Variants in CAST observed in about 807,000 individuals in gnomAD.
CAST encodes calpastatin, also known as MIR583 host.
CAST carries 76 observed loss-of-function variants against 119.6 expected under a neutral mutation model. That is an observed-to-expected ratio of 0.64 (90% CI 0.53 to 0.77). CAST has a LOEUF of 0.77. Ranked by LOEUF, CAST falls within the 30% of genes least tolerant of loss-of-function variation. CAST has a pLI of 0.00. For missense variants in CAST, 953 were observed against 946.5 expected (o/e 1.01, Z -0.09); for synonymous variants, 319 against 331.6 (o/e 0.96, Z 0.41).
At chr5:96,411,657 A>G in the CAST span, among the ~76,000 whole-genome samples, 1 of 152,228 alleles carries the variant, frequency 6.6e-6, no homozygotes, top group East Asian at 1.9e-4. Flanking sequence ...GCTTGGAAGA[A>G]GACTGAGTAG....
intron 1 of CAST, among the ~76,000 whole-genome samples, chr5:96,669,139 C>T (rs930704315): frequency 2.6e-5 from 4 of 152,310 alleles, no homozygotes; most frequent in African/African-American, 9.6e-5. Context: ...AAGGAATCCA[C>T]CTGAAGGCAG....
intron 3 of CAST, chr5:96,702,726 T>G: frequency 1.0e-6 from 1 of 975,344 alleles, no homozygotes; most frequent in Non-Finnish European, 1.2e-6. Context: ...CATCCCGGGC[T>G]CCCGGGGCGG....
At chr5:96,123,427 G>C in the CAST span, among the ~76,000 whole-genome samples, 1 of 152,092 alleles carries the variant, frequency 6.6e-6, no homozygotes, top group African/African-American at 2.4e-5. Context: ...TCTTCCTGAA[G>C]GCTTGTTGAT....
chr5:96,116,404 A>G, the CAST span, among the ~76,000 whole-genome samples: 2 of 152,196 alleles, frequency 1.3e-5, no homozygotes, highest in Non-Finnish European at 2.9e-5. Flanking sequence ...TAATGCTGCT[A>G]TGAGTATTCA....
At chr5:96,505,833 A>G in the CAST span, among the ~76,000 whole-genome samples, 1 of 152,178 alleles carries the variant, frequency 6.6e-6, no homozygotes, top group Non-Finnish European at 1.5e-5. Flanking sequence ...AGGGCACCTT[A>G]TGGGTTTCCT....
the CAST span, among the ~76,000 whole-genome samples, chr5:96,159,522 A>G: frequency 6.6e-6 from 1 of 152,234 alleles, no homozygotes; most frequent in African/African-American, 2.4e-5. Context: ...TGAGGAAAGC[A>G]GTGTCCTCTT....
chr5:96,515,036 C>A, the CAST span, among the ~76,000 whole-genome samples: 1 of 152,122 alleles, frequency 6.6e-6, no homozygotes, highest in African/African-American at 2.4e-5. Context: ...TAGGTGTAAA[C>A]CACTGTGCAC....
At chr5:96,087,406 AT>A in the CAST span, among the ~76,000 whole-genome samples, 6 of 152,286 alleles carry the variant, frequency 3.9e-5, no homozygotes, top group East Asian at 1.2e-3. Context: ...TAAGATTCTA[AT>A]CTTTTTCAAC....
chr5:96,178,395 C>T, the CAST span, among the ~76,000 whole-genome samples: 1 of 152,126 alleles, frequency 6.6e-6, no homozygotes, highest in Non-Finnish European at 1.5e-5. Flanking sequence ...CTTAGGTCTA[C>T]ACATGTTTTC....
At chr5:96,151,754 T>A in the CAST span, among the ~76,000 whole-genome samples, 1 of 152,224 alleles carries the variant, frequency 6.6e-6, no homozygotes, top group African/African-American at 2.4e-5. Context: ...TCATTCTTTG[T>A]GCAGGGCACT....
At chr5:96,402,263 C>T in the CAST span, among the ~76,000 whole-genome samples, 1 of 152,208 alleles carries the variant, frequency 6.6e-6, no homozygotes, top group Non-Finnish European at 1.5e-5. Flanking sequence ...TCTTACCTGG[C>T]ACGACACACG....
At chr5:96,272,974 G>C in the CAST span, among the ~76,000 whole-genome samples, 1 of 152,152 alleles carries the variant, frequency 6.6e-6, no homozygotes, top group Non-Finnish European at 1.5e-5. Flanking sequence ...ATGTGAACAG[G>C]TTCAAGGAAA....
At chr5:96,629,486 T>C (rs534707842) in intron 1 of CAST, among the ~76,000 whole-genome samples, 1 of 152,362 alleles carries the variant, frequency 6.6e-6, no homozygotes, top group East Asian at 1.9e-4. Context: ...TGAGTCCTTC[T>C]TCCATTCGCA....
At chr5:96,757,398 T>C (rs199629117) in intron 22 of CAST, 46 bp from the exon 23 acceptor site, 22 of 1,550,362 alleles carry the variant, frequency 1.4e-5, no homozygotes, top group Non-Finnish European at 1.9e-5. Flanking sequence ...ATACTTTGGA[T>C]AAAATGTAAA....
chr5:96,364,911 A>G, the CAST span, among the ~76,000 whole-genome samples: 4 of 152,074 alleles, frequency 2.6e-5, no homozygotes, highest in East Asian at 1.9e-4. Context: ...TTTAATTGTG[A>G]TGTTAGGGTG....
chr5:96,741,652 A>G (rs1441280685), intron 15 of CAST, 72 bp downstream of exon 15: 2 of 962,028 alleles, frequency 2.1e-6, no homozygotes, highest in Non-Finnish European at 3.3e-6. Flanking sequence ...AACTGCCAGT[A>G]GCACATAACC....
the CAST span, chr5:95,961,940 G>T: frequency 2.6e-5 from 15 of 574,832 alleles, no homozygotes; most frequent in Non-Finnish European, 4.2e-5. Flanking sequence ...CATTGGTCTT[G>T]TTCCCTTCAG....
the CAST span, among the ~76,000 whole-genome samples, chr5:96,140,413 C>T: frequency 6.6e-6 from 1 of 152,226 alleles, no homozygotes; most frequent in Admixed American, 6.5e-5. Flanking sequence ...ATTTAGATCA[C>T]AGAATCTTGT....
the CAST span, among the ~76,000 whole-genome samples, chr5:96,395,828 CA>C: frequency 2.2e-5 from 2 of 91,630 alleles, no homozygotes; most frequent in African/African-American, 1.3e-4. Flanking sequence ...AGTTCAATGA[CA>C]AAAAATAAAT....
Sources: gnomAD v4.1 joint callset for allele counts (sites outside exome capture counted in the v4.1 genomes callset) on GRCh38, gnomAD v4.1.1 for gene constraint, MANE v1.5 for transcripts, NCBI Gene and HGNC (gene_info 2026-07-23, HGNC 2026-07-21) for gene names.